GRAMD1B: variants seen among roughly 807,000 people sequenced by gnomAD.
GRAMD1B encodes the protein GRAM domain containing 1B.
Under a neutral mutation model 99.7 loss-of-function variants are expected in GRAMD1B, and 37 were observed. The ratio of observed to expected loss-of-function variants is 0.37; its 90% CI spans 0.29 to 0.49. The LOEUF (loss-of-function observed/expected upper bound fraction) is 0.49, where lower values mean the gene tolerates loss of function less well. GRAMD1B is among the 20% of genes least tolerant of loss of function. The probability of loss-of-function intolerance (pLI) is 0.98; values close to 1 mark genes in which losing one functional copy is unlikely to be tolerated. For missense variants in GRAMD1B, 888 were observed against 1,009.2 expected, an observed-to-expected ratio of 0.88 and a Z score of 1.63; for synonymous variants, 427 against 387.6, an observed-to-expected ratio of 1.10 and a Z score of -1.19.
intron 14 of GRAMD1B, among the ~76,000 whole-genome samples, chr11:123,611,144 T>A (rs1260243336): frequency 6.6e-6 from 1 of 152,170 alleles, no homozygotes; most frequent in African/African-American, 2.4e-5. Context: ...CTTCAAGAAG[T>A]GCGCATCAAG....
chr11:123,367,243 A>G (rs1344815764), intron 1 of GRAMD1B, among the ~76,000 whole-genome samples: 2 of 152,188 alleles, frequency 1.3e-5, no homozygotes, highest in Non-Finnish European at 2.9e-5. Flanking sequence ...CGCCTTGGGG[A>G]TACAGACTTG....
chr11:123,432,166 A>G (rs1018310293), intron 1 of GRAMD1B: 1 of 397,850 alleles, frequency 2.5e-6, no homozygotes, highest in Non-Finnish European at 4.4e-6. Context: ...TCAGTCTAGT[A>G]ACAGCTAATA....
At chr11:123,509,005 T>C (rs1413924238) in intron 2 of GRAMD1B, among the ~76,000 whole-genome samples, 1 of 151,304 alleles carries the variant, frequency 6.6e-6, no homozygotes, top group Non-Finnish European at 1.5e-5. Context: ...TTTTAAATTA[T>C]GTTTTACTTT....
At chr11:123,467,002 C>T (rs150207684) in intron 1 of GRAMD1B, among the ~76,000 whole-genome samples, 19 of 152,250 alleles carry the variant, frequency 1.2e-4, no homozygotes, top group African/African-American at 4.3e-4. Context: ...TCTCAGAACC[C>T]ATTTGAGGAA....
intron 1 of GRAMD1B, 88 bp from the exon 2 acceptor site, chr11:123,480,728 G>A (rs552502299): frequency 2.5e-6 from 1 of 397,814 alleles, no homozygotes; most frequent in Admixed American, 4.4e-5. Context: ...GTAACCCCAT[G>A]TCTTTGTCTA....
At chr11:123,599,507 C>A in intron 7 of GRAMD1B, 1 of 558,788 alleles carries the variant, frequency 1.8e-6, no homozygotes, top group Non-Finnish European at 3.4e-6. Context: ...CAGTCTCACT[C>A]TGTCACCCAG....
chr11:123,611,503 C>T (rs1953565071), intron 14 of GRAMD1B, among the ~76,000 whole-genome samples: 1 of 152,108 alleles, frequency 6.6e-6, no homozygotes, highest in Non-Finnish European at 1.5e-5. Flanking sequence ...TCTGTGCTTC[C>T]TCCTGAACAT....
intron 3 of GRAMD1B, among the ~76,000 whole-genome samples, chr11:123,580,515 G>T (rs996546215): frequency 2.0e-5 from 3 of 152,120 alleles, no homozygotes; most frequent in African/African-American, 7.2e-5. Flanking sequence ...TTCTCCCTGG[G>T]GTCAGGTCCC....
In GRAMD1B at chr11:123,595,918, A is replaced by G. The variant is rs371487570; in HGVS notation, c.874-24A>G. 4.1e-6 allele frequency: 6 copies of G among 1,476,520 alleles called. No homozygotes were observed. In the South Asian group the frequency reaches 7.1e-5, roughly 18 times the overall value. The allele number at this position is 1,476,520 out of a possible 1,614,324, so 91.5% of individuals were successfully genotyped here. On this transcript the variant is annotated intron_variant, in intron 6 of 19. Transcript: ENST00000635736. ...TAATGCCCCACTTTGCTTGTTGCCC[A>G]TTCTCTGTCCTCTTGGATGCCAGCT...
chr11:123,504,585 T>C (rs1369578858), intron 2 of GRAMD1B, among the ~76,000 whole-genome samples: 1 of 152,200 alleles, frequency 6.6e-6, no homozygotes, highest in Non-Finnish European at 1.5e-5. Context: ...ACTCCCGCTG[T>C]GCTAGTTTTT....
chr11:123,613,837 C>G (rs573268557), intron 16 of GRAMD1B, among the ~76,000 whole-genome samples, 179 bp downstream of exon 16: 4 of 152,214 alleles, frequency 2.6e-5, no homozygotes, highest in Non-Finnish European at 5.9e-5. Context: ...TCTTTAAGTT[C>G]CTCAGCCCCA....
At chr11:123,425,858 C>T (rs77669564), upstream of GRAMD1B, among the ~76,000 whole-genome samples, 16,466 of 152,124 alleles carry the variant, frequency 0.11, 1,035 homozygotes, top group South Asian at 0.13. Context: ...AGTAGTGAGC[C>T]CCTCCCTGGG....
At chr11:123,491,109 G>A (rs1184336149) in intron 2 of GRAMD1B, among the ~76,000 whole-genome samples, 1 of 152,138 alleles carries the variant, frequency 6.6e-6, no homozygotes, top group Non-Finnish European at 1.5e-5. Flanking sequence ...GAGGTGGGTG[G>A]ATCACCTGAG....
In GRAMD1B at chr11:123,457,117, A is replaced by AAAAGAAAGAAAG. The variant is rs111505156; in HGVS notation, c.375-23688_375-23677dup. ...ACAGAGAGAGACCCTTTCTGAGAAA[A>AAAAGAAAGAAAG]AAAGAAAGAAAGAAAGAAAGAATTA... On this transcript the variant is annotated intron_variant, in intron 1 of 19. Coordinates refer to ENST00000635736, the MANE Select transcript of GRAMD1B (RefSeq NM_001387025.1). 3.0e-5 allele frequency among the ~76,000 whole-genome samples: 3 copies of AAAAGAAAGAAAG among 99,424 alleles called. 1 individual carries two copies. The highest frequency in any genetic ancestry group is 1.1e-4 in the African/African-American group (3 of 27,862). The allele number at this position is 99,424 out of a possible 152,430, so 65.2% of individuals were successfully genotyped here. A position where few individuals can be genotyped will look rare whatever the true frequency, so the allele number is the denominator to read the frequency against.
chr11:123,621,420 A>G (rs543112388), intron 19 of GRAMD1B, among the ~76,000 whole-genome samples: 10 of 152,296 alleles, frequency 6.6e-5, no homozygotes, highest in African/African-American at 2.4e-4. Context: ...CCTACTAGGA[A>G]CCCACTCAGT....
intron 1 of GRAMD1B, among the ~76,000 whole-genome samples, chr11:123,421,883 T>C (rs1409776596): frequency 1.3e-5 from 2 of 152,252 alleles, no homozygotes. Context: ...CAATGTATTC[T>C]AATAAATCTT....
intron 2 of GRAMD1B, among the ~76,000 whole-genome samples, chr11:123,576,485 CT>C (rs1015908417): frequency 1.3e-5 from 2 of 152,204 alleles, no homozygotes; most frequent in Non-Finnish European, 2.9e-5. Flanking sequence ...TTCTCTCTCC[CT>C]TCTGTCTCTC....
At chr11:123,402,123 C>A (rs567745721) in intron 1 of GRAMD1B, among the ~76,000 whole-genome samples, 94 of 152,336 alleles carry the variant, frequency 6.2e-4, no homozygotes, top group African/African-American at 2.1e-3. Flanking sequence ...TCAAGCGATT[C>A]TCCTGCCTCA....
intron 4 of GRAMD1B, among the ~76,000 whole-genome samples, chr11:123,593,468 C>T (rs1483350669): frequency 1.3e-5 from 2 of 152,060 alleles, no homozygotes; most frequent in African/African-American, 4.8e-5. Flanking sequence ...TTCCTTGATG[C>T]TGTAAGGATT....
Sources: allele counts gnomAD v4.1 joint callset (sites outside exome capture counted in the v4.1 genomes callset), GRCh38; gene constraint gnomAD v4.1.1; transcripts MANE v1.5; gene names NCBI Gene and HGNC (gene_info 2026-07-23, HGNC 2026-07-21).